Variants in ZMYM5 observed in about 807,000 individuals in gnomAD.
The protein encoded by ZMYM5 is zinc finger MYM-type protein 5.
A neutral mutation model predicts 61.8 loss-of-function variants in ZMYM5; 41 were observed. The ratio of observed to expected loss-of-function variants is 0.66; its 90% CI spans 0.52 to 0.86. The LOEUF (loss-of-function observed/expected upper bound fraction) is 0.86. Among genes scored for constraint, ZMYM5 ranks in the 40% least tolerant of loss-of-function variants. The pLI is 0.00. For synonymous variants in ZMYM5, 257 were observed against 276.4 expected (o/e 0.93, Z 0.70); for missense variants, 706 against 786.7 (o/e 0.90, Z 1.23).
intron 2 of ZMYM5, among the ~76,000 whole-genome samples, chr13:19,854,806 A>G (rs1566108296): frequency 6.6e-6 from 1 of 152,150 alleles, no homozygotes; most frequent in African/African-American, 2.4e-5. Flanking sequence ...GAGCCAGGAG[A>G]TAAGTAACCT....
At chr13:19,850,846 T>C (rs1254120259) in intron 4 of ZMYM5, among the ~76,000 whole-genome samples, 3 of 152,190 alleles carry the variant, frequency 2.0e-5, no homozygotes, top group Non-Finnish European at 4.4e-5. Flanking sequence ...ATAAAATAGA[T>C]TAAAATCCCA....
intron 2 of ZMYM5, among the ~76,000 whole-genome samples, chr13:19,856,553 T>C (rs984277550): frequency 1.3e-5 from 2 of 151,508 alleles, no homozygotes; most frequent in African/African-American, 4.9e-5. Context: ...GACAGGAGAA[T>C]CGCCTGAACC....
intron 4 of ZMYM5, among the ~76,000 whole-genome samples, chr13:19,840,435 A>G (rs1037984961): frequency 5.3e-5 from 8 of 152,160 alleles, no homozygotes; most frequent in African/African-American, 1.9e-4. Flanking sequence ...GTGCAGTGGC[A>G]TGATCACAGC....
Position 19,838,904 on chromosome 13 carries a change from A to C in ZMYM5, c.668T>G (p.Leu223Arg), listed in dbSNP as rs1186144708. 6.2e-7 allele frequency: 1 copy of C among 1,614,064 alleles called. No individual in the cohort carries two copies. The change falls in exon 5 of 8, where the codon CTT becomes CGT. Residue 223 changes from leucine (L) to arginine (R), a missense_variant. Leu to Arg is a moderately radical substitution (Grantham distance 102). Coordinates refer to ENST00000337963, the MANE Select transcript of ZMYM5 (RefSeq NM_001142684.2). ...TGTAGGCTGGAAATTCTGCTTACGA[A>C]GTAAGGCCACTGGTGATAAAGAATC... is the stretch of plus-strand genomic sequence containing the variant. ...GVDSLSPVAL[L>R]RKQNFQPTAQ... is the part of the protein sequence containing the mutation.
In ZMYM5 at chr13:19,850,299, G is replaced by A. The variant is rs186120076; in HGVS notation, c.586+1056C>T. Reference sequence around the variant, plus strand: ...AGAATTAAGCGACTAATAAAACGCCGATTTAAAAACTAAAATCAGGCCAGT... The same window carrying A: ...AGAATTAAGCGACTAATAAAACGCCAATTTAAAAACTAAAATCAGGCCAGT... On this transcript the variant is annotated intron_variant, in intron 4 of 7. Coordinates refer to ENST00000337963, the MANE Select transcript of ZMYM5 (RefSeq NM_001142684.2). 5.9e-5 allele frequency among the ~76,000 whole-genome samples: 9 copies of A among 152,188 alleles called. No homozygotes were observed. In the East Asian group the frequency reaches 1.5e-3, roughly 26 times the overall value.
intron 7 of ZMYM5, among the ~76,000 whole-genome samples, chr13:19,826,757 TA>T (rs34298303): frequency 0.15 from 19,532 of 128,724 alleles, 1,491 homozygotes; most frequent in African/African-American, 0.25. Flanking sequence ...TCCGTCTCGT[TA>T]AAAAAAAAAA....
rs1953307231 is a variant in ZMYM5, at chr13:19,851,754, G to A, written c.427C>T (p.Leu143Phe). 2 of 1,597,550 alleles carry A rather than the reference G, an allele frequency of 1.3e-6. No homozygotes were observed. The highest frequency in any genetic ancestry group is 1.7e-6 in the Non-Finnish European group (2 of 1,176,028). Residue 143 changes from leucine (L) to phenylalanine (F), a missense_variant, in exon 3 of 8, where the codon CTT (leucine) becomes TTT (phenylalanine). By Grantham distance (22) the Leu-to-Phe change is conservative. This residue lies in a region of ZMYM5 where 480 missense variants were observed against 461.7 expected (regional missense o/e 1.04). Transcript: ENST00000337963. Reference protein sequence around the residue: ...KKSSCFIEWGLPGTKNKTNDL... With the variant: ...KKSSCFIEWGFPGTKNKTNDL... ...TTGGTTTTGTTTTTAGTTCCAGGAA[G>A]TCCCCATTCGATAAAACAGGAAGAC... is the stretch of plus-strand genomic sequence containing the variant.
chr13:19,827,527 T>G (rs1024293709), intron 7 of ZMYM5, among the ~76,000 whole-genome samples: 1 of 152,200 alleles, frequency 6.6e-6, no homozygotes, highest in Admixed American at 6.5e-5. Context: ...ATTTAGATGT[T>G]GCTAGATTAA....
At chr13:19,858,585 CAAAAAA>C (rs34468029) in intron 2 of ZMYM5, among the ~76,000 whole-genome samples, 18 of 85,340 alleles carry the variant, frequency 2.1e-4, no homozygotes, top group Middle Eastern at 0.015. Flanking sequence ...GACGCTGTTT[CAAAAAA>C]AAAAAAAAAA....
At chr13:19,863,416 G>A (rs949951647) in intron 1 of ZMYM5, 34 bp downstream of exon 1, 1 of 151,950 alleles carries the variant, frequency 6.6e-6, no homozygotes, top group Non-Finnish European at 1.5e-5. Flanking sequence ...AGCCTCCGGA[G>A]GCTGCTCTCA....
chr13:19,841,336 G>A (rs1227511109), intron 4 of ZMYM5, among the ~76,000 whole-genome samples: 1 of 152,088 alleles, frequency 6.6e-6, no homozygotes, highest in Admixed American at 6.6e-5. Context: ...AGGTTGGAAG[G>A]GGGTTTTTAT....
Position 19,824,817 on chromosome 13 carries a change from C to T in ZMYM5, c.1670G>A (p.Arg557Lys). ...NFNFPKDNTG[R>K]KFSETYYTRI... ...TGTATAATAAGTTTCTGAAAACTTC[C>T]TCCCTGTATTATCTTTTGGAAAGTT... Residue 557 changes from arginine to lysine, a missense_variant, in exon 8 of 8, where the codon AGG becomes AAG. Around this residue, in one of 2 missense-constraint regions of ZMYM5, gnomAD observed 226 missense variants for 325.0 expected, o/e 0.70. Coordinates refer to ENST00000337963, the MANE Select transcript of ZMYM5 (RefSeq NM_001142684.2). The T allele has an allele frequency of 1.5e-6, 2 of 1,352,054 alleles. No homozygotes were observed. Among genetic ancestry groups the T allele is most frequent in the Non-Finnish European group, 2.0e-6 (2 of 1,013,098 alleles). The allele number at this position is 1,352,054 out of a possible 1,614,324, so 83.8% of individuals were successfully genotyped here. A position where few individuals can be genotyped will look rare whatever the true frequency, so the allele number is the denominator to read the frequency against.
At chr13:19,847,696 G>A (rs2138588523) in intron 4 of ZMYM5, among the ~76,000 whole-genome samples, 1 of 148,586 alleles carries the variant, frequency 6.7e-6, no homozygotes, top group Admixed American at 6.7e-5. Context: ...ATGCTGGAGT[G>A]CAGTGGCGTG....
At chr13:19,835,282 A>G (rs1311049018) in intron 7 of ZMYM5, among the ~76,000 whole-genome samples, 195 bp downstream of exon 7, 1 of 152,188 alleles carries the variant, frequency 6.6e-6, no homozygotes, top group Non-Finnish European at 1.5e-5. Flanking sequence ...CAAGTGAGTC[A>G]CTGCACCCAG....
At position 19,823,848 on chromosome 13, in the gene ZMYM5, C is replaced by CT. The variant is rs753382066; in HGVS notation, c.*628dup. On this transcript the variant is annotated 3_prime_UTR_variant, in exon 8 of 8. Transcript: ENST00000337963. ...AAGGTAATTAGAACATAATATTTTT[C>CT]TTTCTTTTGAGACTGACTCTCGCTC... 1 of 152,044 alleles carries CT rather than the reference C, an allele frequency of 6.6e-6. No individual in the cohort carries two copies. The highest frequency in any genetic ancestry group is 1.5e-5 in the Non-Finnish European group (1 of 68,018). The allele number at this position is 152,044 out of a possible 1,614,324, so 9.4% of individuals were successfully genotyped here. A position where few individuals can be genotyped will look rare whatever the true frequency, so the allele number is the denominator to read the frequency against.
At chr13:19,827,609 T>A (rs1158238152) in intron 7 of ZMYM5, among the ~76,000 whole-genome samples, 1 of 152,194 alleles carries the variant, frequency 6.6e-6, no homozygotes, top group Non-Finnish European at 1.5e-5. Context: ...GTCAGAAATT[T>A]AATTTTTATT....
chr13:19,851,673 CCAT>C lies in ZMYM5; in HGVS notation c.492+13_492+15del, dbSNP rs771007862. On this transcript the variant is annotated intron_variant, in intron 3 of 7. Coordinates refer to ENST00000337963, the MANE Select transcript of ZMYM5 (RefSeq NM_001142684.2). ...AATTCTGTAGTGATACCACTATTACCCATTCCTGCATTTACCTTACTTCTTGAA... is the reference window on the plus strand; with the variant it reads ...AATTCTGTAGTGATACCACTATTACCTCCTGCATTTACCTTACTTCTTGAA... 1 of 1,558,516 alleles carries C rather than the reference CCAT, an allele frequency of 6.4e-7. No individual in the cohort carries two copies. The highest frequency in any genetic ancestry group is 1.3e-5 in the South Asian group (1 of 78,666).
At chr13:19,832,045 A>C (rs140387475) in intron 7 of ZMYM5, among the ~76,000 whole-genome samples, 17 of 151,524 alleles carry the variant, frequency 1.1e-4, no homozygotes, top group South Asian at 2.1e-4. Context: ...TTTTGTAGAA[A>C]CGGAGTTTCA....
chr13:19,856,466 C>T (rs1410439092), intron 2 of ZMYM5, among the ~76,000 whole-genome samples: 2 of 151,736 alleles, frequency 1.3e-5, no homozygotes, highest in Non-Finnish European at 2.9e-5. Context: ...CATGGAGAAA[C>T]CCCACCTCTA....
Sources: allele counts gnomAD v4.1 joint callset (sites outside exome capture counted in the v4.1 genomes callset), GRCh38; gene constraint gnomAD v4.1.1; regional missense constraint gnomAD v4.1.1; transcripts MANE v1.5; gene names NCBI Gene and HGNC (gene_info 2026-07-23, HGNC 2026-07-21).